The following SOS2 variants were observed in gnomAD, a reference collection of about 807,000 sequenced individuals.
SOS2 encodes the protein SOS Ras/Rho guanine nucleotide exchange factor 2.
In SOS2, 65 loss-of-function variants were observed where a neutral mutation model predicts 148.2. The ratio of observed to expected loss-of-function variants is 0.44; its 90% confidence interval spans 0.36 to 0.54. SOS2 has a LOEUF of 0.54. Ranked by LOEUF, SOS2 falls within the 20% of genes least tolerant of loss-of-function variation. The pLI is 0.00. For missense variants in SOS2, 1,341 were observed against 1,590.2 expected, an observed-to-expected ratio of 0.84 and a Z score of 2.67; for synonymous variants, 539 against 537.1, an observed-to-expected ratio of 1.00 and a Z score of -0.05.
At chr14:50,231,090 C>A (rs752799228) in intron 1 of SOS2, 107 bp downstream of exon 1, 3 of 641,508 alleles carry the variant, frequency 4.7e-6, no homozygotes, top group African/African-American at 1.9e-5. Context: ...CAACGAGAAA[C>A]GGCTCGGCCC....
intron 1 of SOS2, among the ~76,000 whole-genome samples, chr14:50,215,835 G>A (rs888787913): frequency 6.6e-6 from 1 of 152,098 alleles, no homozygotes; most frequent in African/African-American, 2.4e-5. Flanking sequence ...ACAAGTTATA[G>A]AAATGTTATT....
intron 9 of SOS2, 60 bp downstream of exon 9, chr14:50,161,422 C>A: frequency 7.2e-7 from 1 of 1,387,570 alleles, no homozygotes; most frequent in Non-Finnish European, 9.9e-7. Flanking sequence ...CTTTGAAAAC[C>A]AGGCATCAGA....
intron 8 of SOS2, among the ~76,000 whole-genome samples, chr14:50,168,073 T>C (rs1186980725): frequency 1.3e-5 from 2 of 152,212 alleles, no homozygotes; most frequent in Non-Finnish European, 1.5e-5. Context: ...ACTAAATTAA[T>C]TCCTCTTGAG....
chr14:50,139,900 C>A, intron 17 of SOS2, 42 bp downstream of exon 17: 1 of 973,672 alleles, frequency 1.0e-6, no homozygotes, highest in South Asian at 1.4e-5. Flanking sequence ...TTTTGGCTAT[C>A]ACACGCTCAC....
chr14:50,175,630 A>C (rs1029937781), intron 7 of SOS2, among the ~76,000 whole-genome samples: 2 of 151,996 alleles, frequency 1.3e-5, no homozygotes, highest in African/African-American at 2.4e-5. Context: ...ATCCTGAAAA[A>C]TCTTAGTGTA....
intron 8 of SOS2, among the ~76,000 whole-genome samples, chr14:50,165,646 C>T (rs763815174): frequency 1.3e-5 from 2 of 152,034 alleles, no homozygotes; most frequent in Non-Finnish European, 2.9e-5. Flanking sequence ...ATCTTAATGC[C>T]TAGGGACACG....
chr14:50,195,482 C>T (rs896252353), intron 4 of SOS2, among the ~76,000 whole-genome samples: 74 of 152,112 alleles, frequency 4.9e-4, no homozygotes, highest in Non-Finnish European at 5.4e-4. Context: ...TAGTTTATGG[C>T]CTGGTGCAGT....
chr14:50,120,531 TC>T lies in SOS2; in HGVS notation c.3380-148del, dbSNP rs1883467904. 1.7e-5 allele frequency: 10 copies of T among 590,366 alleles called. No homozygotes were observed. The South Asian group carries it at 2.1e-4, about 13-fold the overall frequency. 36.6% of individuals were successfully genotyped at this position (590,366 alleles called of 1,614,324 possible). ...TCTTCCCCCATTAAATTGTAAGCTT[TC>T]TGCAGGGAGTGTGTATTTATTTCTG... On this transcript the variant is annotated intron_variant, in intron 21 of 22. Coordinates refer to ENST00000216373, the MANE Select transcript of SOS2 (RefSeq NM_006939.4).
At chr14:50,131,087 C>T (rs1395081112) in intron 19 of SOS2, among the ~76,000 whole-genome samples, 1 of 151,974 alleles carries the variant, frequency 6.6e-6, no homozygotes, top group African/African-American at 2.4e-5. Context: ...ATAGATTTTA[C>T]AAACATTTAC....
intron 7 of SOS2, 132 bp downstream of exon 7, chr14:50,180,440 C>T: frequency 1.8e-6 from 1 of 559,124 alleles, no homozygotes; most frequent in African/African-American, 2.0e-5. Flanking sequence ...TAATCCAAAA[C>T]AGGTTTAGAA....
intron 4 of SOS2, among the ~76,000 whole-genome samples, chr14:50,192,143 CAAAAAAAAAAAAAAAAAAAAA>C (rs201836422): frequency 4.0e-4 from 47 of 118,852 alleles, no homozygotes; most frequent in Non-Finnish European, 3.7e-4. Flanking sequence ...GTCCTTGTCA[CAAAAAAAAAAAAAAAAAAAAA>C]AAAAAAAAAA....
chr14:50,202,057 G>C (rs1014425417), intron 2 of SOS2, among the ~76,000 whole-genome samples: 3 of 152,132 alleles, frequency 2.0e-5, no homozygotes, highest in Non-Finnish European at 2.9e-5. Flanking sequence ...CCACTTCCCA[G>C]ACTCCAATGA....
At position 50,182,545 on chromosome 14, in the gene SOS2, C is replaced by A; in HGVS notation, c.776G>T (p.Gly259Val). 1.2e-6 allele frequency: 2 copies of A among 1,610,458 alleles called. No homozygotes were observed. The highest frequency in any genetic ancestry group is 1.1e-5 in the South Asian group (1 of 90,992). ...CATTTCAACTGTGTCTTCAATCAAA[C>A]CTAAAAGTTTCACAGTCAATTCATG... ...DIHELTVKLL[G>V]LIEDTVEMTD... The change falls in exon 6 of 23, where the codon GGT (glycine) becomes GTT (valine). Residue 259 changes from glycine (G) to valine (V), a missense_variant. Coordinates refer to ENST00000216373, the MANE Select transcript of SOS2 (RefSeq NM_006939.4).
chr14:50,169,581 A>G (rs529880922), intron 8 of SOS2, among the ~76,000 whole-genome samples: 1 of 152,184 alleles, frequency 6.6e-6, no homozygotes, highest in East Asian at 1.9e-4. Context: ...CAGAGGTTGC[A>G]GTGAGCCAAG....
intron 2 of SOS2, 98 bp from the exon 3 acceptor site, chr14:50,201,182 C>T: frequency 9.1e-7 from 1 of 1,098,800 alleles, no homozygotes. Flanking sequence ...TTAATGCTAG[C>T]AGATAATAGT....
chr14:50,125,522 T>C (rs148854645), intron 21 of SOS2, among the ~76,000 whole-genome samples: 62 of 152,264 alleles, frequency 4.1e-4, no homozygotes, highest in East Asian at 3.9e-3. Context: ...CAAACTTCAA[T>C]AAAGCCAGGA....
rs777771444 is a variant in SOS2 at position 50,161,489 on chromosome 14, G to C, written c.1189C>G (p.Arg397Gly). 6 of 1,610,850 alleles carry C rather than the reference G, an allele frequency of 3.7e-6. No homozygotes were observed. The highest frequency in any genetic ancestry group is 5.1e-6 in the Non-Finnish European group (6 of 1,178,692). Residue 397 changes from arginine (R) to glycine (G), a missense_variant, in exon 9 of 23, where the codon CGA (arginine) becomes GGA (glycine). By Grantham distance (125) the Arg-to-Gly change is moderately radical. Transcript: ENST00000216373. ...RIYKQYSPRR[R>G]PGDPVCPFYS... ...TCAACACTTTGGAATTACCCAGGTC[G>C]ACGTCTAGGTGAATACTGCTTGTAA...
At chr14:50,196,222 A>C (rs1392344083) in intron 4 of SOS2, among the ~76,000 whole-genome samples, 1 of 152,200 alleles carries the variant, frequency 6.6e-6, no homozygotes, top group Admixed American at 6.5e-5. Flanking sequence ...AGTATGGTGA[A>C]TATAGTAAAT....
chr14:50,163,798 TTTTG>T (rs1222402110), intron 8 of SOS2, among the ~76,000 whole-genome samples: 1 of 152,198 alleles, frequency 6.6e-6, no homozygotes, highest in African/African-American at 2.4e-5. Flanking sequence ...TTATTCTTGT[TTTTG>T]TTTATCCAAA....
Sources: gnomAD v4.1 joint callset for allele counts (sites outside exome capture counted in the v4.1 genomes callset) on GRCh38, gnomAD v4.1.1 for gene constraint, MANE v1.5 for transcripts, NCBI Gene and HGNC (gene_info 2026-07-23, HGNC 2026-07-21) for gene names.